Variants in MYO1D observed in about 807,000 individuals in gnomAD.
The protein encoded by MYO1D is myosin ID.
In MYO1D, 83 loss-of-function variants were observed where a neutral mutation model predicts 122.0. The ratio of observed to expected loss-of-function variants is 0.68; its 90% CI spans 0.57 to 0.82. The LOEUF is 0.82. Ranked by LOEUF, MYO1D falls within the 40% of genes least tolerant of loss-of-function variation. MYO1D has a pLI of 0.00. For missense variants in MYO1D, 1,157 were observed against 1,269.5 expected, an observed-to-expected ratio of 0.91 and a Z score of 1.35; for synonymous variants, 464 against 446.9, an observed-to-expected ratio of 1.04 and a Z score of -0.48.
intron 14 of MYO1D, among the ~76,000 whole-genome samples, chr17:32,738,030 A>G (rs1489770115): frequency 6.6e-6 from 1 of 152,252 alleles, no homozygotes; most frequent in African/African-American, 2.4e-5. Flanking sequence ...GTAGAATAAA[A>G]AGCTCAAATT....
At chr17:32,845,377 T>C (rs1448839901) in intron 1 of MYO1D, among the ~76,000 whole-genome samples, 1 of 152,120 alleles carries the variant, frequency 6.6e-6, no homozygotes, top group African/African-American at 2.4e-5. Flanking sequence ...ACTGAGATTA[T>C]CAACAAAAAG....
intron 1 of MYO1D, among the ~76,000 whole-genome samples, chr17:32,806,463 A>G (rs1291892411): frequency 6.6e-6 from 1 of 152,178 alleles, no homozygotes. Flanking sequence ...TCCCGGGCTC[A>G]AGTGATTCTC....
chr17:32,843,580 T>A (rs903842846), intron 1 of MYO1D, among the ~76,000 whole-genome samples: 2 of 152,196 alleles, frequency 1.3e-5, no homozygotes, highest in African/African-American at 4.8e-5. Context: ...CAAGCTTTAT[T>A]TTCCCCTATC....
chr17:32,554,273 C>T (rs1307313416), intron 21 of MYO1D, among the ~76,000 whole-genome samples: 1 of 151,360 alleles, frequency 6.6e-6, no homozygotes, highest in Admixed American at 6.6e-5. Context: ...GATGGGTGTA[C>T]TCTGTACAAT....
chr17:32,522,905 C>CT (rs1174222952), intron 21 of MYO1D, among the ~76,000 whole-genome samples: 5 of 150,816 alleles, frequency 3.3e-5, no homozygotes, highest in African/African-American at 1.2e-4. Flanking sequence ...CAAGCTCCGC[C>CT]TCCTGGGTTC....
At chr17:32,835,212 C>A (rs939514132) in intron 1 of MYO1D, among the ~76,000 whole-genome samples, 1 of 150,634 alleles carries the variant, frequency 6.6e-6, no homozygotes, top group African/African-American at 2.4e-5. Flanking sequence ...AGATACCATA[C>A]CCTGCCTGGC....
chr17:32,548,079 T>A (rs1276351318), intron 21 of MYO1D, among the ~76,000 whole-genome samples: 1 of 152,168 alleles, frequency 6.6e-6, no homozygotes, highest in Non-Finnish European at 1.5e-5. Flanking sequence ...CTAAGCCCTT[T>A]CTTTCTGGGT....
At chr17:32,599,967 TTAAA>T (rs1235206702) in intron 21 of MYO1D, among the ~76,000 whole-genome samples, 1 of 152,226 alleles carries the variant, frequency 6.6e-6, no homozygotes, top group African/African-American at 2.4e-5. Context: ...AATGTGTTTC[TTAAA>T]TAATCAGGCT....
chr17:32,789,048 G>T (rs1271134837), intron 1 of MYO1D, among the ~76,000 whole-genome samples: 1 of 151,940 alleles, frequency 6.6e-6, no homozygotes, highest in East Asian at 1.9e-4. Context: ...CTGAGTTCTT[G>T]ATTTGATTCT....
At chr17:32,781,865 CAGT>C (rs1489749493) in intron 1 of MYO1D, among the ~76,000 whole-genome samples, 1 of 152,060 alleles carries the variant, frequency 6.6e-6, no homozygotes, top group Non-Finnish European at 1.5e-5. Flanking sequence ...TGTTTTTACA[CAGT>C]AATCCACACA....
At chr17:32,589,324 T>C (rs1331484022) in intron 21 of MYO1D, among the ~76,000 whole-genome samples, 2 of 152,214 alleles carry the variant, frequency 1.3e-5, no homozygotes, top group Non-Finnish European at 2.9e-5. Flanking sequence ...TGGGAACGTG[T>C]TGAGCCACAG....
intron 17 of MYO1D, among the ~76,000 whole-genome samples, chr17:32,656,080 T>G (rs904734687): frequency 2.6e-5 from 4 of 152,190 alleles, no homozygotes; most frequent in Non-Finnish European, 4.4e-5. Flanking sequence ...AGTTCTCTTA[T>G]GCGCTTGGCG....
chr17:32,832,871 G>C lies in MYO1D; in HGVS notation c.95+43907C>G, dbSNP rs190872490. ...CTTTTAACTTTGGTACAAGTTGGCA[G>C]CTTAATTTATCTGATCTATAAAATG... On this transcript the variant is annotated intron_variant, in intron 1 of 21. Transcript: ENST00000318217. 2.8e-3 allele frequency among the ~76,000 whole-genome samples: 419 copies of C among 152,304 alleles called. 4 individuals are homozygous for C. Among genetic ancestry groups the C allele is most frequent in the African/African-American group, 8.7e-3 (362 of 41,564 alleles).
At chr17:32,543,938 G>A (rs1910933088) in intron 21 of MYO1D, among the ~76,000 whole-genome samples, 1 of 152,074 alleles carries the variant, frequency 6.6e-6, no homozygotes, top group Admixed American at 6.6e-5. Context: ...GACTATAGGC[G>A]TGTGCCACCA....
intron 21 of MYO1D, among the ~76,000 whole-genome samples, chr17:32,590,318 C>G (rs2087428227): frequency 6.6e-6 from 1 of 152,178 alleles, no homozygotes; most frequent in Non-Finnish European, 1.5e-5. Flanking sequence ...AGCTCATAAC[C>G]TCCAACTAGA....
intron 16 of MYO1D, among the ~76,000 whole-genome samples, chr17:32,697,535 T>C (rs2089188216): frequency 6.6e-6 from 1 of 152,206 alleles, no homozygotes. Context: ...CAGCTGATGC[T>C]TTCTTGGTCG....
chr17:32,853,138 AC>A (rs1384338978), intron 1 of MYO1D, among the ~76,000 whole-genome samples: 1 of 152,224 alleles, frequency 6.6e-6, no homozygotes, highest in Non-Finnish European at 1.5e-5. Flanking sequence ...GAAATCAAAT[AC>A]CAAAGCCAAT....
intron 14 of MYO1D, among the ~76,000 whole-genome samples, chr17:32,726,754 T>C (rs1383533839): frequency 2.0e-5 from 3 of 150,456 alleles, no homozygotes; most frequent in Non-Finnish European, 4.4e-5. Flanking sequence ...AATGTCTTAC[T>C]GGCTTTAAAA....
At chr17:32,702,427 A>G (rs895727285) in intron 16 of MYO1D, among the ~76,000 whole-genome samples, 2 of 152,202 alleles carry the variant, frequency 1.3e-5, no homozygotes, top group African/African-American at 4.8e-5. Context: ...ATTAGAAACA[A>G]TCATATAATT....
Sources: gnomAD v4.1 joint callset for allele counts (sites outside exome capture counted in the v4.1 genomes callset) on GRCh38, gnomAD v4.1.1 for gene constraint, MANE v1.5 for transcripts, NCBI Gene and HGNC (gene_info 2026-07-23, HGNC 2026-07-21) for gene names.